PDE12: variants seen among roughly 807,000 people sequenced by gnomAD.
PDE12 encodes phosphodiesterase 12, also known as 2',5'-phosphodiesterase 12.
PDE12 carries 26 observed loss-of-function variants against 45.4 expected under a neutral mutation model. The observed-to-expected ratio is 0.57, with a 90% CI of 0.42 to 0.79. The LOEUF (loss-of-function observed/expected upper bound fraction) is 0.79. PDE12 is among the 30% of genes least tolerant of loss of function. The pLI, the probability that PDE12 is intolerant of heterozygous loss-of-function variation, is 0.00. For missense variants in PDE12, 668 were observed against 790.0 expected (o/e 0.85, Z 1.85); for synonymous variants, 283 against 323.9 (o/e 0.87, Z 1.36).
At chr3:57,609,912 G>A in the PDE12 span, among the ~76,000 whole-genome samples, 4 of 151,968 alleles carry the variant, frequency 2.6e-5, no homozygotes, top group African/African-American at 9.7e-5. Context: ...GATACCAAAG[G>A]CTGGCAGAGA....
At chr3:57,609,127 G>C in the PDE12 span, among the ~76,000 whole-genome samples, 1 of 152,142 alleles carries the variant, frequency 6.6e-6, no homozygotes, top group African/African-American at 2.4e-5. Context: ...ACCTGCTCCT[G>C]AATGACTACT....
the PDE12 span, among the ~76,000 whole-genome samples, chr3:57,599,050 C>T: frequency 6.6e-6 from 1 of 152,042 alleles, no homozygotes; most frequent in African/African-American, 2.4e-5. Flanking sequence ...AGACATGTGC[C>T]CAAGGTGATC....
chr3:57,610,380 G>C, the PDE12 span, among the ~76,000 whole-genome samples: 1 of 152,084 alleles, frequency 6.6e-6, no homozygotes, highest in Non-Finnish European at 1.5e-5. Flanking sequence ...GGAAGTTCTG[G>C]CCAGGGCAAT....
the PDE12 span, among the ~76,000 whole-genome samples, chr3:57,604,615 T>G: frequency 3.4e-4 from 8 of 23,604 alleles, no homozygotes; most frequent in Admixed American, 9.6e-4. Flanking sequence ...TTTTTTTTTT[T>G]TTGGGGGGGG....
At chr3:57,610,993 A>G in the PDE12 span, among the ~76,000 whole-genome samples, 3 of 152,174 alleles carry the variant, frequency 2.0e-5, no homozygotes, top group African/African-American at 7.2e-5. Flanking sequence ...CTATATTACA[A>G]GGCTACAGTA....
the PDE12 span, among the ~76,000 whole-genome samples, chr3:57,640,136 G>C: frequency 6.6e-6 from 1 of 151,800 alleles, no homozygotes; most frequent in Non-Finnish European, 1.5e-5. Flanking sequence ...AGGCGTGGTG[G>C]TGGGCGCCTG....
the PDE12 span, chr3:57,654,981 C>T: frequency 4.5e-6 from 1 of 221,478 alleles, no homozygotes; most frequent in Non-Finnish European, 7.6e-6. Flanking sequence ...ATAATACTAT[C>T]ACTGTGTGAG....
At chr3:57,628,206 G>T in the PDE12 span, 1 of 1,609,330 alleles carries the variant, frequency 6.2e-7, no homozygotes. Context: ...GGAAAATCTT[G>T]GCAAATATCA....
the PDE12 span, chr3:57,575,703 TACC>T: frequency 1.9e-6 from 3 of 1,577,078 alleles, no homozygotes; most frequent in Non-Finnish European, 2.6e-6. Context: ...CATTAACAAC[TACC>T]AACCGGAATC....
chr3:57,589,449 G>A, the PDE12 span, among the ~76,000 whole-genome samples: 2 of 152,144 alleles, frequency 1.3e-5, no homozygotes, highest in African/African-American at 2.4e-5. Context: ...GCCGGGCCCC[G>A]TGGCTCACAC....
chr3:57,597,057 C>G, the PDE12 span: 2 of 1,613,216 alleles, frequency 1.2e-6, no homozygotes, highest in East Asian at 2.2e-5. Context: ...CCGCCTGACT[C>G]GCAGCCCCTC....
the PDE12 span, among the ~76,000 whole-genome samples, chr3:57,579,490 G>A: frequency 4.0e-5 from 6 of 151,868 alleles, no homozygotes; most frequent in Non-Finnish European, 4.4e-5. Context: ...ATTTTACTAT[G>A]TTGGCCAGGT....
At chr3:57,617,704 A>C in the PDE12 span, among the ~76,000 whole-genome samples, 9 of 151,966 alleles carry the variant, frequency 5.9e-5, no homozygotes, top group Non-Finnish European at 1.3e-4. Flanking sequence ...CTCTACAAAG[A>C]AATTTTTTTT....
At chr3:57,611,993 A>G in the PDE12 span, among the ~76,000 whole-genome samples, 24 of 152,068 alleles carry the variant, frequency 1.6e-4, no homozygotes, top group Non-Finnish European at 3.4e-4. Context: ...AACCAACCCA[A>G]ATGTCCATCA....
At chr3:57,629,807 C>A in the PDE12 span, among the ~76,000 whole-genome samples, 1 of 151,976 alleles carries the variant, frequency 6.6e-6, no homozygotes, top group Non-Finnish European at 1.5e-5. Flanking sequence ...CAGGCGTGAG[C>A]CACTGCACCC....
At chr3:57,616,369 GAGGCAGGGGGGAGGAGGAGA>G in the PDE12 span, among the ~76,000 whole-genome samples, 1 of 145,480 alleles carries the variant, frequency 6.9e-6, no homozygotes, top group Non-Finnish European at 1.5e-5. Context: ...GGAGGAGGAG[GAGGCAGGGGGGAGGAGGAGA>G]AGGAGAAGAA....
the PDE12 span, among the ~76,000 whole-genome samples, chr3:57,607,986 A>G: frequency 6.6e-6 from 1 of 152,168 alleles, no homozygotes; most frequent in African/African-American, 2.4e-5. Context: ...GCAGCCAGAG[A>G]GAAAGGTCGG....
chr3:57,626,087 T>G, the PDE12 span: 3 of 152,766 alleles, frequency 2.0e-5, no homozygotes, highest in East Asian at 5.8e-4. Flanking sequence ...GCTCCTTTTC[T>G]GAAAAGTCAG....
the PDE12 span, among the ~76,000 whole-genome samples, chr3:57,607,826 CAGG>C: frequency 6.6e-6 from 1 of 152,082 alleles, no homozygotes; most frequent in African/African-American, 2.4e-5. Context: ...GGATATTATC[CAGG>C]AGAACTTCCC....
Sources: allele counts gnomAD v4.1 joint callset (sites outside exome capture counted in the v4.1 genomes callset), GRCh38; gene constraint gnomAD v4.1.1; transcripts MANE v1.5; gene names NCBI Gene and HGNC (gene_info 2026-07-23, HGNC 2026-07-21).